SLIT2: variants seen among roughly 807,000 people sequenced by gnomAD.
SLIT2 encodes slit guidance ligand 2.
A neutral mutation model predicts 185.7 loss-of-function variants in SLIT2; 41 were observed. The observed-to-expected ratio is 0.22, with a 90% CI of 0.17 to 0.29. The LOEUF (loss-of-function observed/expected upper bound fraction) is 0.29, where lower values mean the gene tolerates loss of function less well. SLIT2 is among the 10% of genes least tolerant of loss of function. SLIT2 has a pLI of 1.00. For synonymous variants in SLIT2, 693 were observed against 680.2 expected (o/e 1.02, Z -0.29); for missense variants, 1,571 against 1,909.0 (o/e 0.82, Z 3.30).
intron 4 of SLIT2, among the ~76,000 whole-genome samples, chr4:20,428,664 T>C (rs557538617): frequency 3.9e-5 from 6 of 152,290 alleles, no homozygotes; most frequent in Admixed American, 3.3e-4. Flanking sequence ...TTACAACTCT[T>C]GGATGATCTC....
chr4:20,560,055 AG>A (rs1169913354), intron 26 of SLIT2, among the ~76,000 whole-genome samples: 1 of 151,946 alleles, frequency 6.6e-6, no homozygotes, highest in Non-Finnish European at 1.5e-5. Flanking sequence ...TGAGTTTTAA[AG>A]CAGCAAAGTC....
At chr4:20,468,649 A>G (rs1451480469) in intron 5 of SLIT2, among the ~76,000 whole-genome samples, 2 of 152,070 alleles carry the variant, frequency 1.3e-5, no homozygotes, top group African/African-American at 4.8e-5. Flanking sequence ...TCTAAAAATG[A>G]TGGTTTTTGA....
chr4:20,398,354 G>A (rs1045301161), intron 4 of SLIT2, among the ~76,000 whole-genome samples: 2 of 151,816 alleles, frequency 1.3e-5, no homozygotes, highest in African/African-American at 4.8e-5. Context: ...GGTCTTAGCA[G>A]AGCATTAACA....
chr4:20,556,285 TG>T (rs1197205955), intron 26 of SLIT2, among the ~76,000 whole-genome samples: 1 of 151,990 alleles, frequency 6.6e-6, no homozygotes, highest in Non-Finnish European at 1.5e-5. Flanking sequence ...AAGGTGAAAC[TG>T]GCATAAAACC....
chr4:20,467,908 G>T (rs1205592218), intron 5 of SLIT2, 85 bp downstream of exon 5: 2 of 665,444 alleles, frequency 3.0e-6, no homozygotes, highest in East Asian at 6.0e-5. Flanking sequence ...GTGTCAGAAA[G>T]AAATGGTGAA....
At chr4:20,370,738 A>T (rs1723504183) in intron 4 of SLIT2, among the ~76,000 whole-genome samples, 1 of 152,130 alleles carries the variant, frequency 6.6e-6, no homozygotes. Flanking sequence ...ACTGATCTGG[A>T]TTCAAACACC....
chr4:20,384,986 C>A (rs1014983237), intron 4 of SLIT2, among the ~76,000 whole-genome samples: 11 of 152,114 alleles, frequency 7.2e-5, no homozygotes, highest in Admixed American at 2.0e-4. Context: ...CTTCCAAAAT[C>A]TTTACAGTCA....
chr4:20,416,820 A>G (rs16869578), intron 4 of SLIT2, among the ~76,000 whole-genome samples: 3,145 of 152,310 alleles, frequency 0.021, 96 homozygotes, highest in African/African-American at 0.07. Context: ...TCTTCATTCA[A>G]TTCACATTAG....
chr4:20,269,386 C>G (rs184279917), intron 4 of SLIT2, among the ~76,000 whole-genome samples: 2 of 151,890 alleles, frequency 1.3e-5, no homozygotes, highest in East Asian at 3.9e-4. Context: ...CAATTTCAGC[C>G]TCTGCAATAT....
At chr4:20,391,417 G>A (rs1725402423) in intron 4 of SLIT2, among the ~76,000 whole-genome samples, 2 of 151,766 alleles carry the variant, frequency 1.3e-5, no homozygotes, top group Admixed American at 6.6e-5. Flanking sequence ...ATTGCACCAA[G>A]TGTTTATTCA....
intron 4 of SLIT2, among the ~76,000 whole-genome samples, chr4:20,380,742 A>G (rs953779779): frequency 6.6e-6 from 1 of 152,298 alleles, no homozygotes; most frequent in East Asian, 1.9e-4. Context: ...AAGTACTGAA[A>G]AGAAAATGAA....
At chr4:20,279,035 A>T (rs1270350064) in intron 4 of SLIT2, among the ~76,000 whole-genome samples, 1 of 152,202 alleles carries the variant, frequency 6.6e-6, no homozygotes, top group East Asian at 1.9e-4. Context: ...CTCTGCTCAG[A>T]AACTAAAAAG....
intron 4 of SLIT2, among the ~76,000 whole-genome samples, chr4:20,399,578 T>C (rs1471830247): frequency 6.6e-6 from 1 of 151,830 alleles, no homozygotes; most frequent in African/African-American, 2.4e-5. Context: ...GTTTATTGAC[T>C]CAGTCTACAA....
At chr4:20,449,021 T>C (rs1712161134) in intron 4 of SLIT2, among the ~76,000 whole-genome samples, 2 of 152,228 alleles carry the variant, frequency 1.3e-5, no homozygotes, top group Non-Finnish European at 2.9e-5. Flanking sequence ...CTTACATTTT[T>C]CTCTATTGAA....
chr4:20,472,317 T>TCTATATATAG lies in SLIT2; in HGVS notation c.467+4494_467+4495insCTATATATAG, dbSNP rs1553908355. Among the ~76,000 whole-genome samples the TCTATATATAG allele has an allele frequency of 1.1e-3, 34 of 32,040 alleles. 2 individuals are homozygous for TCTATATATAG. Among genetic ancestry groups the TCTATATATAG allele is most frequent in the South Asian group, 8.8e-3 (6 of 682 alleles). 21.0% of individuals were successfully genotyped at this position (32,040 alleles called of 152,430 possible). A position where few individuals can be genotyped will look rare whatever the true frequency, so the allele number is the denominator to read the frequency against. The stretch of plus-strand genomic sequence containing the variant: ...ATAGATATATAGATCTATATATAGA[T>TCTATATATAG]ATATATATCTATATATAGATCTATA... On this transcript the variant is annotated intron_variant, in intron 5 of 36. Coordinates refer to ENST00000504154, the MANE Select transcript of SLIT2 (RefSeq NM_004787.4).
intron 4 of SLIT2, among the ~76,000 whole-genome samples, chr4:20,295,693 A>C (rs1560292581): frequency 6.6e-6 from 1 of 152,234 alleles, no homozygotes. Context: ...TAGTATTTTC[A>C]GGATTTCAAG....
intron 4 of SLIT2, among the ~76,000 whole-genome samples, chr4:20,300,526 A>T (rs66875143): frequency 0.24 from 36,183 of 151,994 alleles, 5,237 homozygotes; most frequent in East Asian, 0.6. Flanking sequence ...CTAGTTAGCT[A>T]CGTATCTATA....
At chr4:20,554,746 G>A (rs1332222165) in intron 26 of SLIT2, among the ~76,000 whole-genome samples, 3 of 150,706 alleles carry the variant, frequency 2.0e-5, no homozygotes, top group Non-Finnish European at 4.4e-5. Flanking sequence ...GTGGGGTTTT[G>A]GGGGGGCTTT....
Position 20,254,052 on chromosome 4 carries a change from C to A in SLIT2, c.179+58C>A. 6.5e-7 allele frequency: 1 copy of A among 1,532,314 alleles called. No homozygotes were observed. The highest frequency in any genetic ancestry group is 8.9e-7 in the Non-Finnish European group (1 of 1,129,552). The allele number at this position is 1,532,314 out of a possible 1,614,324, so 94.9% of individuals were successfully genotyped here. On this transcript the variant is annotated intron_variant, in intron 1 of 36. Coordinates refer to ENST00000504154, the MANE Select transcript of SLIT2 (RefSeq NM_004787.4). The surrounding 1 kb of genome is among the most constrained non-coding windows in gnomAD (Gnocchi z 5.1). ...CATCCGGGCCGCGCACCCCTGCCTC[C>A]ACTGGAGGAACCTGTCAGCTCAGGG... is the stretch of plus-strand genomic sequence containing the variant.
Sources: gnomAD v4.1 joint callset for allele counts (sites outside exome capture counted in the v4.1 genomes callset) on GRCh38, gnomAD v4.1.1 for gene constraint, Gnocchi (gnomAD v3.1) non-coding constraint, MANE v1.5 for transcripts, NCBI Gene and HGNC (gene_info 2026-07-23, HGNC 2026-07-21) for gene names.